Variants in XKR4 observed in about 807,000 individuals in gnomAD.
The protein encoded by XKR4 is XK related 4.
In XKR4, 12 loss-of-function variants were observed where a neutral mutation model predicts 53.9. The ratio of observed to expected loss-of-function variants is 0.22; its 90% CI spans 0.14 to 0.36. The LOEUF (loss-of-function observed/expected upper bound fraction) is 0.36, where lower values mean the gene tolerates loss of function less well. XKR4 is among the 10% of genes least tolerant of loss of function. The probability of loss-of-function intolerance (pLI) is 1.00; values close to 1 mark genes in which losing one functional copy is unlikely to be tolerated. For missense variants in XKR4, 799 were observed against 859.5 expected (o/e 0.93, Z 0.88); for synonymous variants, 354 against 362.4 (o/e 0.98, Z 0.26).
At chr8:55,494,127 G>A (rs182777026) in intron 2 of XKR4, among the ~76,000 whole-genome samples, 76 of 152,374 alleles carry the variant, frequency 5.0e-4, no homozygotes, top group African/African-American at 1.8e-3. Context: ...TGAGTGGAGT[G>A]TGGGGTCCAG....
chr8:55,115,148 T>C (rs549338387), intron 1 of XKR4, among the ~76,000 whole-genome samples: 2 of 152,304 alleles, frequency 1.3e-5, no homozygotes, highest in Admixed American at 1.3e-4. Flanking sequence ...CCCAGGTGAT[T>C]AGTATGCACA....
intron 1 of XKR4, among the ~76,000 whole-genome samples, chr8:55,238,974 C>T (rs1317320009): frequency 6.6e-6 from 1 of 152,164 alleles, no homozygotes; most frequent in African/African-American, 2.4e-5. Context: ...TTCCCCTAAA[C>T]TCCACTAGTT....
chr8:55,352,096 A>G (rs1418018069), intron 1 of XKR4, among the ~76,000 whole-genome samples: 1 of 152,258 alleles, frequency 6.6e-6, no homozygotes, highest in Non-Finnish European at 1.5e-5. Flanking sequence ...GAACTCACAG[A>G]TGAATACATA....
chr8:55,142,138 C>T (rs1422329066), intron 1 of XKR4: 2 of 456,108 alleles, frequency 4.4e-6, no homozygotes, highest in Admixed American at 2.3e-5. Flanking sequence ...TTCTTTCCCC[C>T]ACAGGGAGCC....
chr8:55,297,035 T>C (rs1399472899), intron 1 of XKR4, among the ~76,000 whole-genome samples: 4 of 152,166 alleles, frequency 2.6e-5, no homozygotes, highest in African/African-American at 9.7e-5. Context: ...GACTTAGATT[T>C]ATAAGCAATA....
At position 55,102,608 on chromosome 8, in the gene XKR4, G is replaced by T. The variant is rs1416205433; in HGVS notation, c.120G>T (p.Ser40=). 7 of 1,462,212 alleles carry T rather than the reference G, an allele frequency of 4.8e-6. No homozygotes were observed. Among genetic ancestry groups the T allele is most frequent in the Non-Finnish European group, 6.4e-6 (7 of 1,096,344 alleles). 90.6% of individuals were successfully genotyped at this position (1,462,212 alleles called of 1,614,324 possible). ...AGGGATTGGCTCCAGGCTTGCCGTC[G>T]GGGTCGGGAGCCGAGGACGAGGAGG... ...SVQGLAPGLP[S]GSGAEDEEAA... The change falls in exon 1 of 3, where the codon TCG becomes TCT. Residue 40 remains serine, a synonymous_variant. Coordinates refer to ENST00000327381, the MANE Select transcript of XKR4 (RefSeq NM_052898.2). The surrounding 1 kb of genome is among the most constrained non-coding windows in gnomAD (Gnocchi z 5.1).
intron 1 of XKR4, among the ~76,000 whole-genome samples, chr8:55,290,778 T>C (rs1435319659): frequency 2.0e-5 from 3 of 152,240 alleles, no homozygotes; most frequent in African/African-American, 7.2e-5. Flanking sequence ...ATATTCTAGA[T>C]ACTATTCCTT....
chr8:55,353,759 A>G (rs1803759969), intron 1 of XKR4, among the ~76,000 whole-genome samples: 1 of 152,222 alleles, frequency 6.6e-6, no homozygotes, highest in Non-Finnish European at 1.5e-5. Context: ...AAGCATGTGA[A>G]CAGCCATGGA....
At chr8:55,238,609 C>G (rs1464371088) in intron 1 of XKR4, among the ~76,000 whole-genome samples, 5 of 152,058 alleles carry the variant, frequency 3.3e-5, no homozygotes, top group Non-Finnish European at 5.9e-5. Context: ...TCCCTGTGCC[C>G]TCATCTAAAT....
At chr8:55,301,458 A>G (rs372099867) in intron 1 of XKR4, among the ~76,000 whole-genome samples, 3 of 151,908 alleles carry the variant, frequency 2.0e-5, no homozygotes, top group East Asian at 3.9e-4. Context: ...ATAAACATAC[A>G]TGTGCATGTG....
intron 1 of XKR4, among the ~76,000 whole-genome samples, chr8:55,220,586 A>G (rs1165684290): frequency 2.0e-5 from 3 of 152,230 alleles, no homozygotes; most frequent in Non-Finnish European, 4.4e-5. Flanking sequence ...GGCAGGTCCC[A>G]GTGTGACTGA....
intron 2 of XKR4, among the ~76,000 whole-genome samples, chr8:55,362,574 A>G (rs1425821191): frequency 6.6e-6 from 1 of 152,236 alleles, no homozygotes; most frequent in Non-Finnish European, 1.5e-5. Flanking sequence ...ACAGCTTAAG[A>G]TAAGTCACCC....
Position 55,476,662 on chromosome 8 carries a change from C to T in XKR4, c.1007-46619C>T, listed in dbSNP as rs374638247. Among the ~76,000 whole-genome samples, 15 of 152,120 alleles carry T rather than the reference C, an allele frequency of 9.9e-5. No individual in the cohort carries two copies. In the East Asian group the frequency reaches 1.5e-3, roughly 16 times the overall value. On this transcript the variant is annotated intron_variant, in intron 2 of 2. Coordinates refer to ENST00000327381, the MANE Select transcript of XKR4 (RefSeq NM_052898.2). ...CCTAGTCAAAGAAAGGGGTGACAGACGGCACCTGGAAAATCAGGTCACTCC... is the reference window on the plus strand; with the variant it reads ...CCTAGTCAAAGAAAGGGGTGACAGATGGCACCTGGAAAATCAGGTCACTCC...
rs995616936 is a variant in XKR4, at chr8:55,533,816, T to C, written c.*9589T>C. ...AAGGAGCACTTCCGTTCAGCCGTAG[T>C]ACCATGACGTGCACAGGCCTGAAGA... is the stretch of plus-strand genomic sequence containing the variant. On this transcript the variant is annotated 3_prime_UTR_variant, in exon 3 of 3. Transcript: ENST00000327381. The C allele has an allele frequency of 6.6e-6, 1 of 152,256 alleles. No homozygotes were observed. The highest frequency in any genetic ancestry group is 2.4e-5 in the African/African-American group (1 of 41,460). 9.4% of individuals were successfully genotyped at this position (152,256 alleles called of 1,614,324 possible). A position where few individuals can be genotyped will look rare whatever the true frequency, so the allele number is the denominator to read the frequency against.
intron 1 of XKR4, among the ~76,000 whole-genome samples, chr8:55,158,521 G>A (rs1563470930): frequency 6.6e-6 from 1 of 152,020 alleles, no homozygotes; most frequent in South Asian, 2.1e-4. Flanking sequence ...CATTTGTCAT[G>A]TTTTGTTTTT....
intron 2 of XKR4, among the ~76,000 whole-genome samples, chr8:55,386,886 A>G (rs954998628): frequency 6.6e-6 from 1 of 152,244 alleles, no homozygotes. Context: ...ACTTCTAAAA[A>G]ATCCAGATCT....
chr8:55,447,193 G>A (rs1805360114), intron 2 of XKR4, among the ~76,000 whole-genome samples: 1 of 152,152 alleles, frequency 6.6e-6, no homozygotes, highest in Admixed American at 6.5e-5. Context: ...AAAGCTAACT[G>A]TAGGAATGTG....
intron 1 of XKR4, among the ~76,000 whole-genome samples, chr8:55,254,076 T>G (rs1818399975): frequency 1.3e-5 from 2 of 151,946 alleles, no homozygotes; most frequent in African/African-American, 4.8e-5. Flanking sequence ...CTTGGTCGTA[T>G]TTTTCTCTTC....
intron 1 of XKR4, among the ~76,000 whole-genome samples, chr8:55,107,285 A>G (rs765243016): frequency 3.3e-5 from 5 of 152,176 alleles, no homozygotes; most frequent in African/African-American, 4.8e-5. Flanking sequence ...CCCAACTATT[A>G]TGTAGTGTAG....
Sources: gnomAD v4.1 joint callset for allele counts (sites outside exome capture counted in the v4.1 genomes callset) on GRCh38, gnomAD v4.1.1 for gene constraint, Gnocchi (gnomAD v3.1) non-coding constraint, MANE v1.5 for transcripts, NCBI Gene and HGNC (gene_info 2026-07-23, HGNC 2026-07-21) for gene names.